Variants in RASSF3 observed in about 807,000 individuals in gnomAD.
RASSF3 encodes the protein Ras association domain family member 3, also known as ras association domain-containing protein 3.
In RASSF3, 19 loss-of-function variants were observed where a neutral mutation model predicts 19.9. That is an observed-to-expected ratio of 0.96 (90% CI 0.67 to 1.40). The LOEUF (loss-of-function observed/expected upper bound fraction) is 1.40, where lower values mean the gene tolerates loss of function less well. RASSF3 is among the 40% of genes most tolerant of loss of function. The pLI is 0.00. For missense variants in RASSF3, 306 were observed against 289.8 expected (o/e 1.06, Z -0.41); for synonymous variants, 110 against 104.2 (o/e 1.06, Z -0.34).
chr12:64,542,954 G>A (rs1055839631), downstream of RASSF3, among the ~76,000 whole-genome samples: 15 of 152,210 alleles, frequency 9.9e-5, no homozygotes, highest in African/African-American at 3.1e-4. Context: ...CGGGAACCGG[G>A]GCTGCGCGCC....
intron 1 of RASSF3, among the ~76,000 whole-genome samples, chr12:64,642,980 C>G (rs1871598633): frequency 6.6e-6 from 1 of 151,876 alleles, no homozygotes; most frequent in Admixed American, 6.6e-5. Context: ...ATTCTCGTGC[C>G]TCAGCCTCAG....
intron 1 of RASSF3, among the ~76,000 whole-genome samples, chr12:64,540,215 C>G (rs544293420): frequency 8.5e-5 from 13 of 152,298 alleles, no homozygotes; most frequent in South Asian, 2.1e-4. Context: ...CTTAAGACGG[C>G]TCCTTAAAAA....
intron 1 of RASSF3, among the ~76,000 whole-genome samples, chr12:64,626,301 G>A (rs1870989369): frequency 6.6e-6 from 1 of 151,862 alleles, no homozygotes; most frequent in Non-Finnish European, 1.5e-5. Context: ...TTGGGAGGCC[G>A]AGGTGGGCAG....
chr12:64,570,227 G>A (rs977966255), intron 2 of RASSF3, among the ~76,000 whole-genome samples: 1 of 152,132 alleles, frequency 6.6e-6, no homozygotes, highest in Admixed American at 6.6e-5. Context: ...CCAAGGGTGT[G>A]TCTTTGTAAA....
chr12:64,663,535 T>C (rs553924260), intron 1 of RASSF3, among the ~76,000 whole-genome samples: 1 of 152,228 alleles, frequency 6.6e-6, no homozygotes, highest in South Asian at 2.1e-4. Context: ...TATTTTTTTT[T>C]TTTTGAGATG....
chr12:64,619,728 T>C (rs1870678456), intron 1 of RASSF3, among the ~76,000 whole-genome samples: 2 of 152,102 alleles, frequency 1.3e-5, no homozygotes, highest in Non-Finnish European at 2.9e-5. Context: ...ACGCCTGTAA[T>C]CCCAGCACAT....
At chr12:64,642,559 CAAAAAAAAAAAAA>C (rs67771603) in intron 1 of RASSF3, among the ~76,000 whole-genome samples, 2 of 44,024 alleles carry the variant, frequency 4.5e-5, no homozygotes, top group African/African-American at 1.6e-4. Context: ...GACTCCATCT[CAAAAAAAAAAAAA>C]AAAAAAAAAA....
In RASSF3 at chr12:64,559,757, C is replaced by G. The variant is rs1233928905; in HGVS notation, c.294+18052C>G. Among the ~76,000 whole-genome samples the G allele has an allele frequency of 2.0e-5, 3 of 152,232 alleles. No homozygotes were observed. In the East Asian group the frequency reaches 5.8e-4, roughly 29 times the overall value. ...CCTGTGTCCCCCCCAAAATTGTCCT[C>G]TAGTCAAGGAAGTCTTGCTTTTCTA... is the stretch of plus-strand genomic sequence containing the variant. On this transcript the variant is annotated intron_variant, in intron 2 of 5. Transcript: ENST00000637125.
At chr12:64,663,955 C>T (rs115332865) in intron 1 of RASSF3, among the ~76,000 whole-genome samples, 2,025 of 150,786 alleles carry the variant, frequency 0.013, 43 homozygotes, top group African/African-American at 0.047. Context: ...AGAATATCTC[C>T]AAATTTTTAC....
intron 1 of RASSF3, among the ~76,000 whole-genome samples, chr12:64,650,817 G>A (rs968843110): frequency 2.0e-5 from 3 of 152,104 alleles, no homozygotes; most frequent in African/African-American, 4.8e-5. Context: ...TAGATGTTTC[G>A]TGTTGAATCT....
At chr12:64,655,927 T>G (rs1436222882) in intron 1 of RASSF3, among the ~76,000 whole-genome samples, 1 of 149,646 alleles carries the variant, frequency 6.7e-6, no homozygotes, top group Non-Finnish European at 1.5e-5. Flanking sequence ...CTTGGGAGGC[T>G]AAGGCAGGAA....
At chr12:64,688,946 G>A (rs147691181) in intron 3 of RASSF3, among the ~76,000 whole-genome samples, 2 of 152,256 alleles carry the variant, frequency 1.3e-5, no homozygotes, top group East Asian at 3.9e-4. Context: ...CCCAGCCCTG[G>A]GCTCTCCTGT....
chr12:64,556,018 G>A (rs1278428320), intron 2 of RASSF3, among the ~76,000 whole-genome samples: 5 of 152,216 alleles, frequency 3.3e-5, no homozygotes, highest in Non-Finnish European at 7.3e-5. Flanking sequence ...TTTACCGTGG[G>A]AATGTCTGTG....
At chr12:64,556,720 T>C (rs1869261981) in intron 2 of RASSF3, among the ~76,000 whole-genome samples, 1 of 152,060 alleles carries the variant, frequency 6.6e-6, no homozygotes. Context: ...TACTTTTCCG[T>C]GCAGACTGGG....
At chr12:64,689,599 C>T (rs1565872641) in intron 3 of RASSF3, among the ~76,000 whole-genome samples, 1 of 152,142 alleles carries the variant, frequency 6.6e-6, no homozygotes, top group African/African-American at 2.4e-5. Flanking sequence ...GCCTGCTCAC[C>T]TGGACTTTAG....
chr12:64,604,707 G>C (rs1009796772), intron 2 of RASSF3, among the ~76,000 whole-genome samples: 2 of 150,862 alleles, frequency 1.3e-5, no homozygotes, highest in Non-Finnish European at 2.9e-5. Flanking sequence ...GCGCGATCTC[G>C]GCTCACTGCA....
intron 2 of RASSF3, among the ~76,000 whole-genome samples, chr12:64,603,262 G>C (rs1393496279): frequency 6.6e-6 from 1 of 152,084 alleles, no homozygotes; most frequent in African/African-American, 2.4e-5. Flanking sequence ...AGGGCTTTGA[G>C]GGTCTGAGAT....
intron 1 of RASSF3, among the ~76,000 whole-genome samples, chr12:64,672,395 A>T (rs1353511403): frequency 6.6e-6 from 1 of 151,708 alleles, no homozygotes; most frequent in Non-Finnish European, 1.5e-5. Context: ...CCAGCTAATT[A>T]TTGTATTTTT....
At chr12:64,675,542 G>A (rs1872866606) in intron 1 of RASSF3, among the ~76,000 whole-genome samples, 1 of 152,126 alleles carries the variant, frequency 6.6e-6, no homozygotes, top group Non-Finnish European at 1.5e-5. Flanking sequence ...AAGAACAGGA[G>A]GGCCTTTTCT....
Sources: allele counts gnomAD v4.1 joint callset (sites outside exome capture counted in the v4.1 genomes callset), GRCh38; gene constraint gnomAD v4.1.1; transcripts MANE v1.5; gene names NCBI Gene and HGNC (gene_info 2026-07-23, HGNC 2026-07-21).